The following ZDHHC13 variants were observed in gnomAD, a reference collection of about 807,000 sequenced individuals.
The protein encoded by ZDHHC13 is zDHHC palmitoyltransferase 13, also known as palmitoyltransferase ZDHHC13.
ZDHHC13 carries 85 observed loss-of-function variants against 86.0 expected under a neutral mutation model. The observed-to-expected ratio is 0.99, with a 90% CI of 0.83 to 1.18. The LOEUF is 1.18. Ranked by LOEUF, ZDHHC13 falls within the 50% of genes most tolerant of loss-of-function variation. The probability of loss-of-function intolerance (pLI) is 0.00; values close to 1 mark genes in which losing one functional copy is unlikely to be tolerated. For synonymous variants in ZDHHC13, 263 were observed against 246.4 expected, an observed-to-expected ratio of 1.07 and a Z score of -0.63; for missense variants, 711 against 730.2, an observed-to-expected ratio of 0.97 and a Z score of 0.30.
intron 8 of ZDHHC13, among the ~76,000 whole-genome samples, chr11:19,153,176 G>A (rs1426465713): frequency 2.0e-5 from 3 of 152,066 alleles, no homozygotes; most frequent in East Asian, 1.9e-4. Flanking sequence ...AGAAAACACT[G>A]GAATTTTGAG....
chr11:19,168,947 A>G (rs1850145063), intron 14 of ZDHHC13: 1 of 985,040 alleles, frequency 1.0e-6, no homozygotes, highest in South Asian at 4.7e-5. Flanking sequence ...TCTAAAGATG[A>G]AAACGTTTGA....
rs2133465879 is a variant in ZDHHC13, at chr11:19,165,158, A to G, written c.1390+13A>G. 3 of 1,603,852 alleles carry G rather than the reference A, an allele frequency of 1.9e-6. No individual in the cohort carries two copies. Among genetic ancestry groups the G allele is most frequent in the South Asian group, 1.1e-5 (1 of 88,918 alleles). On this transcript the variant is annotated intron_variant, in intron 13 of 16. Transcript: ENST00000446113. ...GGACGGTGCATAGGTGAGAGATTTA[A>G]TTTTTCAATTACTACTGTGAAGTTA...
At chr11:19,153,712 T>C (rs1849672885) in intron 8 of ZDHHC13, among the ~76,000 whole-genome samples, 1 of 152,192 alleles carries the variant, frequency 6.6e-6, no homozygotes, top group Admixed American at 6.5e-5. Context: ...TCTAGACCTT[T>C]CCATGCTCAT....
In ZDHHC13 at chr11:19,152,247, T is replaced by A. The variant is rs1317410628; in HGVS notation, c.674T>A (p.Val225Asp). ...IHQNTPLHWA[V>D]AAGNVNAVDK... ...CAAAACACTCCACTTCACTGGGCAG[T>A]TGCAGCAGGAAATGTTAATGCAGTT... Residue 225 changes from valine to aspartate, a missense_variant, in exon 7 of 17, where the codon GTT becomes GAT. Transcript: ENST00000446113. The A allele has an allele frequency of 4.3e-6, 7 of 1,613,336 alleles. No homozygotes were observed. Among genetic ancestry groups the A allele is most frequent in the Non-Finnish European group, 5.9e-6 (7 of 1,179,530 alleles).
At chr11:19,148,941 G>A (rs773359098) in intron 4 of ZDHHC13, 7 of 298,876 alleles carry the variant, frequency 2.3e-5, no homozygotes, top group East Asian at 6.0e-5. Context: ...GTCACAGAGC[G>A]AGACTCCATC....
intron 1 of ZDHHC13, among the ~76,000 whole-genome samples, chr11:19,119,086 A>T (rs78041804): frequency 0.043 from 6,605 of 152,254 alleles, 258 homozygotes; most frequent in East Asian, 0.21. Flanking sequence ...CTATACAATC[A>T]GGTCTGCAGT....
chr11:19,137,864 G>A (rs1431846219), intron 1 of ZDHHC13, among the ~76,000 whole-genome samples: 18 of 151,518 alleles, frequency 1.2e-4, no homozygotes, highest in African/African-American at 3.9e-4. Flanking sequence ...TGAAACCAAC[G>A]AGAACAAAGA....
chr11:19,142,519 T>G (rs1283402699), intron 1 of ZDHHC13, among the ~76,000 whole-genome samples: 1 of 152,178 alleles, frequency 6.6e-6, no homozygotes, highest in East Asian at 1.9e-4. Flanking sequence ...TCTTAGGGTA[T>G]GTCCACCACA....
At chr11:19,132,041 T>C (rs1185496809) in intron 1 of ZDHHC13, among the ~76,000 whole-genome samples, 1 of 152,242 alleles carries the variant, frequency 6.6e-6, no homozygotes, top group Non-Finnish European at 1.5e-5. Context: ...AATGTCTTTT[T>C]CAGCTAATTT....
chr11:19,133,003 A>G (rs2133376615), intron 1 of ZDHHC13, among the ~76,000 whole-genome samples: 1 of 152,304 alleles, frequency 6.6e-6, no homozygotes, highest in East Asian at 1.9e-4. Flanking sequence ...GCTACCATTC[A>G]AGAAGAAAAA....
At chr11:19,150,490 C>T (rs953282802) in intron 5 of ZDHHC13, among the ~76,000 whole-genome samples, 1 of 152,098 alleles carries the variant, frequency 6.6e-6, no homozygotes, top group Non-Finnish European at 1.5e-5. Context: ...ACTGTGTTCA[C>T]ATCATATAAC....
chr11:19,149,587 C>T (rs1215144447), intron 5 of ZDHHC13, among the ~76,000 whole-genome samples: 2 of 152,134 alleles, frequency 1.3e-5, no homozygotes, highest in Non-Finnish European at 2.9e-5. Context: ...TTCTTATGAA[C>T]CCAGTAATTT....
At position 19,155,847 on chromosome 11, in the gene ZDHHC13, A is replaced by G; in HGVS notation, c.925A>G (p.Ile309Val). The change falls in exon 9 of 17, where the codon ATA becomes GTA. Residue 309 changes from isoleucine to valine, a missense_variant. Coordinates refer to ENST00000446113, the MANE Select transcript of ZDHHC13 (RefSeq NM_019028.3). ...SVITMWAIGY[I>V]LDFNSDSWLL... ...GATTACCATGTGGGCTATTGGATAC[A>G]TATTGGACTTCAATTCAGATTCTTG... 1.2e-6 allele frequency: 2 copies of G among 1,613,180 alleles called. No individual in the cohort carries two copies. Among genetic ancestry groups the G allele is most frequent in the South Asian group, 2.2e-5 (2 of 90,866 alleles).
At chr11:19,140,496 A>G (rs1401420794) in intron 1 of ZDHHC13, among the ~76,000 whole-genome samples, 1 of 152,202 alleles carries the variant, frequency 6.6e-6, no homozygotes, top group Non-Finnish European at 1.5e-5. Flanking sequence ...ACCATTGTGG[A>G]AGTCAGTGTG....
intron 1 of ZDHHC13, among the ~76,000 whole-genome samples, chr11:19,142,472 A>G (rs1849347070): frequency 6.6e-6 from 1 of 152,176 alleles, no homozygotes; most frequent in African/African-American, 2.4e-5. Flanking sequence ...GGAAGGAATT[A>G]TATGAGAACT....
chr11:19,125,265 T>C (rs1848849113), intron 1 of ZDHHC13, among the ~76,000 whole-genome samples: 1 of 152,118 alleles, frequency 6.6e-6, no homozygotes, highest in Non-Finnish European at 1.5e-5. Flanking sequence ...TAAAGAACTC[T>C]CAAAACTTAA....
At chr11:19,148,320 G>A (rs1849523500) in intron 4 of ZDHHC13, among the ~76,000 whole-genome samples, 1 of 151,810 alleles carries the variant, frequency 6.6e-6, no homozygotes, top group African/African-American at 2.4e-5. Context: ...GTAAGTCAAG[G>A]AGTTGAATCT....
At chr11:19,156,695 C>T (rs1408334406) in intron 9 of ZDHHC13, among the ~76,000 whole-genome samples, 2 of 152,098 alleles carry the variant, frequency 1.3e-5, no homozygotes, top group Non-Finnish European at 2.9e-5. Context: ...GTCATCCTCT[C>T]CTCACCTCCC....
intron 1 of ZDHHC13, among the ~76,000 whole-genome samples, chr11:19,130,850 G>GTT (rs796273895): frequency 6.5e-5 from 9 of 138,928 alleles, no homozygotes; most frequent in South Asian, 2.3e-4. Context: ...GGTTTTTTTT[G>GTT]TTTTTTTTTT....
Sources: allele counts gnomAD v4.1 joint callset (sites outside exome capture counted in the v4.1 genomes callset), GRCh38; gene constraint gnomAD v4.1.1; transcripts MANE v1.5; gene names NCBI Gene and HGNC (gene_info 2026-07-23, HGNC 2026-07-21).